The following FHIT variants were observed in gnomAD, a reference collection of about 807,000 sequenced individuals.
FHIT encodes the protein bis(5'-adenosyl)-triphosphatase.
In FHIT, 19 loss-of-function variants were observed where a neutral mutation model predicts 17.9. The observed-to-expected ratio is 1.06, with a 90% CI of 0.74 to 1.56. The LOEUF is 1.56. FHIT is among the 40% of genes most tolerant of loss of function. The probability of loss-of-function intolerance (pLI) is 0.00; values close to 1 mark genes in which losing one functional copy is unlikely to be tolerated. For missense variants in FHIT, 248 were observed against 189.2 expected (o/e 1.31, Z -1.82); for synonymous variants, 81 against 69.7 (o/e 1.16, Z -0.81).
At chr3:60,437,912 T>C (rs938270849) in intron 5 of FHIT, among the ~76,000 whole-genome samples, 2 of 152,094 alleles carry the variant, frequency 1.3e-5, no homozygotes, top group Non-Finnish European at 2.9e-5. Context: ...ATCTACACAC[T>C]TCAACAACAG....
At chr3:60,205,087 C>G (rs1476575338) in intron 5 of FHIT, among the ~76,000 whole-genome samples, 2 of 147,984 alleles carry the variant, frequency 1.4e-5, no homozygotes, top group African/African-American at 2.5e-5. Flanking sequence ...CAATGAGACC[C>G]TGCCTCAAAA....
At chr3:60,876,232 T>C (rs1157990886) in intron 3 of FHIT, among the ~76,000 whole-genome samples, 1 of 152,024 alleles carries the variant, frequency 6.6e-6, no homozygotes, top group African/African-American at 2.4e-5. Context: ...TACTTTTTGG[T>C]TGAGTTTAGG....
intron 8 of FHIT, among the ~76,000 whole-genome samples, chr3:59,919,279 C>T (rs1251761169): frequency 6.6e-6 from 1 of 152,142 alleles, no homozygotes; most frequent in African/African-American, 2.4e-5. Context: ...GGAAGCTCAC[C>T]CCCTTGGAAG....
chr3:61,138,952 T>TA (rs958219718), intron 2 of FHIT, among the ~76,000 whole-genome samples: 14 of 149,910 alleles, frequency 9.3e-5, no homozygotes, highest in East Asian at 2.0e-4. Flanking sequence ...CTTTAAATAA[T>TA]AAAAAAATAA....
intron 4 of FHIT, among the ~76,000 whole-genome samples, chr3:60,641,563 C>G (rs1577015484): frequency 6.6e-6 from 1 of 152,264 alleles, no homozygotes; most frequent in South Asian, 2.1e-4. Context: ...CAATTAGGTC[C>G]TGAATGACAG....
intron 5 of FHIT, among the ~76,000 whole-genome samples, chr3:60,039,014 TC>T (rs1701332245): frequency 6.6e-6 from 1 of 152,154 alleles, no homozygotes; most frequent in African/African-American, 2.4e-5. Context: ...CTCTGAACTT[TC>T]ATGACACTCC....
intron 4 of FHIT, among the ~76,000 whole-genome samples, chr3:60,610,198 TA>T: frequency 6.6e-6 from 1 of 152,298 alleles, no homozygotes; most frequent in African/African-American, 2.4e-5. Context: ...TGGGAAGAGT[TA>T]AAAAATGCCT....
chr3:59,785,599 G>A (rs1304095433), intron 8 of FHIT, among the ~76,000 whole-genome samples: 1 of 152,098 alleles, frequency 6.6e-6, no homozygotes, highest in Non-Finnish European at 1.5e-5. Flanking sequence ...GATTACAGGC[G>A]TGAGCCACTA....
chr3:60,449,777 G>A (rs751420704), intron 5 of FHIT, among the ~76,000 whole-genome samples: 5 of 151,904 alleles, frequency 3.3e-5, no homozygotes, highest in Non-Finnish European at 5.9e-5. Flanking sequence ...GGCCGAGGTG[G>A]GTGCATCACA....
At chr3:60,793,320 G>C (rs1489298279) in intron 4 of FHIT, among the ~76,000 whole-genome samples, 1 of 130,050 alleles carries the variant, frequency 7.7e-6, no homozygotes, top group Non-Finnish European at 1.6e-5. Flanking sequence ...TTTTTTTTTT[G>C]AGACAGAGTG....
chr3:60,724,682 C>G (rs1295652467), intron 4 of FHIT, among the ~76,000 whole-genome samples: 2 of 142,852 alleles, frequency 1.4e-5, no homozygotes, highest in African/African-American at 2.7e-5. Context: ...TTTGAGACAG[C>G]CTGTCACCCA....
intron 5 of FHIT, among the ~76,000 whole-genome samples, chr3:60,495,114 C>G (rs1447408219): frequency 6.6e-6 from 1 of 152,160 alleles, no homozygotes; most frequent in Non-Finnish European, 1.5e-5. Flanking sequence ...TCCCTTTTCT[C>G]TACATCCCCG....
intron 5 of FHIT, among the ~76,000 whole-genome samples, chr3:60,340,531 C>A (rs1710464389): frequency 6.6e-6 from 1 of 152,076 alleles, no homozygotes; most frequent in South Asian, 2.1e-4. Flanking sequence ...GAACTTCAGA[C>A]AAGTAACTAT....
intron 8 of FHIT, among the ~76,000 whole-genome samples, chr3:59,803,633 C>G (rs1700086053): frequency 6.6e-6 from 1 of 152,214 alleles, no homozygotes. Flanking sequence ...TCAGGAGATT[C>G]TGCTAAGTAA....
intron 4 of FHIT, among the ~76,000 whole-genome samples, chr3:60,621,899 G>T (rs2039142021): frequency 6.6e-6 from 1 of 151,858 alleles, no homozygotes; most frequent in African/African-American, 2.4e-5. Context: ...CAATTACATG[G>T]TCTGACAGTT....
intron 4 of FHIT, among the ~76,000 whole-genome samples, chr3:60,651,177 A>G (rs2039982941): frequency 6.6e-6 from 1 of 152,240 alleles, no homozygotes; most frequent in Admixed American, 6.5e-5. Context: ...CATTGTAAGA[A>G]ATCCATCTTG....
chr3:61,084,260 C>T (rs1464127987), intron 2 of FHIT, among the ~76,000 whole-genome samples: 1 of 152,162 alleles, frequency 6.6e-6, no homozygotes, highest in Admixed American at 6.5e-5. Flanking sequence ...CCATTCTGTT[C>T]CATTAATCTA....
intron 3 of FHIT, among the ~76,000 whole-genome samples, chr3:61,018,146 T>C (rs1281988695): frequency 6.6e-6 from 1 of 152,198 alleles, no homozygotes; most frequent in Admixed American, 6.6e-5. Context: ...ATTATACAGA[T>C]AGTCAAACAC....
intron 4 of FHIT, among the ~76,000 whole-genome samples, chr3:60,577,796 G>A (rs1241469450): frequency 2.6e-5 from 4 of 152,082 alleles, no homozygotes; most frequent in East Asian, 1.9e-4. Flanking sequence ...CTTTAAGAGC[G>A]ACATTTGAAT....
Sources: gnomAD v4.1 joint callset for allele counts (sites outside exome capture counted in the v4.1 genomes callset) on GRCh38, gnomAD v4.1.1 for gene constraint, MANE v1.5 for transcripts, NCBI Gene and HGNC (gene_info 2026-07-23, HGNC 2026-07-21) for gene names.